The following EXOC6B variants were observed in gnomAD, a reference collection of about 807,000 sequenced individuals.
EXOC6B encodes the protein SEC15 homolog B.
Under a neutral mutation model 113.5 loss-of-function variants are expected in EXOC6B, and 54 were observed. The ratio of observed to expected loss-of-function variants is 0.48; its 90% CI spans 0.38 to 0.60. EXOC6B has a LOEUF of 0.60. EXOC6B is among the 20% of genes least tolerant of loss of function. The pLI, the probability that EXOC6B is intolerant of heterozygous loss-of-function variation, is 0.00. For synonymous variants in EXOC6B, 357 were observed against 339.0 expected, an observed-to-expected ratio of 1.05 and a Z score of -0.58; for missense variants, 797 against 977.5, an observed-to-expected ratio of 0.82 and a Z score of 2.46.
At chr2:72,281,255 T>C (rs970543568) in intron 20 of EXOC6B, among the ~76,000 whole-genome samples, 19 of 152,176 alleles carry the variant, frequency 1.2e-4, no homozygotes, top group East Asian at 7.7e-4. Flanking sequence ...TGCCAGAAAA[T>C]AGAATGAATC....
intron 20 of EXOC6B, among the ~76,000 whole-genome samples, chr2:72,277,462 G>A (rs1684868474): frequency 1.3e-5 from 2 of 151,790 alleles, no homozygotes; most frequent in Admixed American, 1.3e-4. Context: ...GTAAGATATG[G>A]ATGTTGGTAA....
intron 17 of EXOC6B, among the ~76,000 whole-genome samples, chr2:72,480,060 C>A (rs775488303): frequency 6.6e-6 from 1 of 151,788 alleles, no homozygotes; most frequent in Non-Finnish European, 1.5e-5. Context: ...AAAAATTAGC[C>A]GGGCATGGTG....
At chr2:72,730,614 ACACACACG>A (rs1227954441) in intron 5 of EXOC6B, among the ~76,000 whole-genome samples, 3 of 121,438 alleles carry the variant, frequency 2.5e-5, no homozygotes, top group Non-Finnish European at 5.8e-5. Context: ...ACACACACAC[ACACACACG>A]CTATTGGTTC....
chr2:72,548,841 C>T (rs1703048625), intron 8 of EXOC6B, among the ~76,000 whole-genome samples: 2 of 151,800 alleles, frequency 1.3e-5, no homozygotes, highest in South Asian at 4.2e-4. Context: ...ACACTGAATC[C>T]TATGTGAAGG....
intron 20 of EXOC6B, among the ~76,000 whole-genome samples, chr2:72,190,025 TC>T (rs1678730592): frequency 6.7e-6 from 1 of 148,602 alleles, no homozygotes; most frequent in Admixed American, 6.7e-5. Flanking sequence ...CTCCCTTCCT[TC>T]CTTCTTCTCT....
Position 72,718,307 on chromosome 2 carries a change from C to T in EXOC6B, c.465G>A (p.Arg155=). Residue 155 remains arginine (R), a splice_region_variant and synonymous_variant, in exon 6 of 22, where the codon AGG becomes AGA. Coordinates refer to ENST00000272427, the MANE Select transcript of EXOC6B (RefSeq NM_015189.3). The part of the protein sequence containing the change: ...SKLRDQMKTK[R]HYPALKTLEH... ...CCAGAGTTTTCAGTGCAGGATAATG[C>T]CTACAAAAGGAATTGATCACCTTTA... The T allele has an allele frequency of 6.2e-7, 1 of 1,613,156 alleles. No individual in the cohort carries two copies. The highest frequency in any genetic ancestry group is 8.5e-7 in the Non-Finnish European group (1 of 1,179,438).
intron 20 of EXOC6B, among the ~76,000 whole-genome samples, chr2:72,304,474 C>T (rs547189414): frequency 6.6e-6 from 1 of 152,180 alleles, no homozygotes; most frequent in South Asian, 2.1e-4. Context: ...TTGCCCAACA[C>T]TAGATATCAT....
chr2:72,179,508 T>TGTTTGA, intron 21 of EXOC6B, 47 bp from the exon 22 acceptor site: 1 of 1,611,630 alleles, frequency 6.2e-7, no homozygotes, highest in Non-Finnish European at 8.5e-7. Flanking sequence ...GAGGAAACAA[T>TGTTTGA]GGTGGAAGGA....
At chr2:72,401,524 CATATATATAT>C (rs1186731784) in intron 18 of EXOC6B, among the ~76,000 whole-genome samples, 1 of 29,702 alleles carries the variant, frequency 3.4e-5, no homozygotes, top group South Asian at 9.3e-4. Context: ...TACATATATA[CATATATATAT>C]ATATATATAT....
chr2:72,687,159 T>C (rs947982178), intron 6 of EXOC6B, among the ~76,000 whole-genome samples: 2 of 151,808 alleles, frequency 1.3e-5, no homozygotes, highest in Non-Finnish European at 2.9e-5. Context: ...AAAACCTTTG[T>C]TTTTTCCCCA....
Position 72,710,809 on chromosome 2 carries a change from T to C in EXOC6B, c.669+7294A>G, listed in dbSNP as rs1372222439. Among the ~76,000 whole-genome samples, 4 of 152,198 alleles carry C rather than the reference T, an allele frequency of 2.6e-5. No homozygotes were observed. In the East Asian group the frequency reaches 7.7e-4, roughly 29 times the overall value. The stretch of plus-strand genomic sequence containing the variant: ...GAAAGGACCATGATGACAACTAATC[T>C]TACCCAAGGGTCAGTTCTTTTAAAA... On this transcript the variant is annotated intron_variant, in intron 6 of 21. Transcript: ENST00000272427.
intron 6 of EXOC6B, among the ~76,000 whole-genome samples, chr2:72,698,970 T>C (rs1167625583): frequency 6.6e-6 from 1 of 152,148 alleles, no homozygotes; most frequent in Non-Finnish European, 1.5e-5. Context: ...ACCTTAATAA[T>C]CTAGAGGGCT....
chr2:72,484,495 A>G (rs1238991288), intron 16 of EXOC6B, among the ~76,000 whole-genome samples: 1 of 144,204 alleles, frequency 6.9e-6, no homozygotes, highest in East Asian at 2.1e-4. Context: ...TGAACCCAGG[A>G]GGCGGAGCTT....
chr2:72,206,240 GA>G (rs1262509553), intron 20 of EXOC6B, among the ~76,000 whole-genome samples: 1 of 152,210 alleles, frequency 6.6e-6, no homozygotes, highest in Non-Finnish European at 1.5e-5. Context: ...AAGGAAGTCA[GA>G]ATCGGAAACC....
chr2:72,620,486 G>GAAATTTAAATAATTTTAAATTTAAATTTT lies in EXOC6B; in HGVS notation c.670-44847_670-44819dup, dbSNP rs1273732150. On this transcript the variant is annotated intron_variant, in intron 6 of 21. Transcript: ENST00000272427. ...ATTTAAATAAGAAATTTAAATAAAA[G>GAAATTTAAATAATTTTAAATTTAAATTTT]AAATTTAAATAATTTTAAATTTAAA... Among the ~76,000 whole-genome samples the GAAATTTAAATAATTTTAAATTTAAATTTT allele has an allele frequency of 9.5e-3, 1,435 of 150,780 alleles. 45 individuals are homozygous for GAAATTTAAATAATTTTAAATTTAAATTTT. Among genetic ancestry groups the GAAATTTAAATAATTTTAAATTTAAATTTT allele is most frequent in the African/African-American group, 0.034 (1,378 of 40,980 alleles).
At chr2:72,344,453 T>C (rs919208686) in intron 19 of EXOC6B, among the ~76,000 whole-genome samples, 1 of 145,318 alleles carries the variant, frequency 6.9e-6, no homozygotes, top group Non-Finnish European at 1.5e-5. Context: ...GTTGATTTAC[T>C]TTTTTTTTTT....
intron 6 of EXOC6B, among the ~76,000 whole-genome samples, chr2:72,612,503 A>G (rs1453667586): frequency 2.0e-5 from 3 of 152,154 alleles, no homozygotes; most frequent in Non-Finnish European, 2.9e-5. Flanking sequence ...TAAAAAAAAA[A>G]ATCACATTTT....
At chr2:72,208,688 T>C (rs1679982987) in intron 20 of EXOC6B, among the ~76,000 whole-genome samples, 1 of 152,150 alleles carries the variant, frequency 6.6e-6, no homozygotes, top group African/African-American at 2.4e-5. Flanking sequence ...GATCCAGCCC[T>C]CTGCCTCAGA....
rs562505942 is a variant in EXOC6B at position 72,189,719 on chromosome 2, G to A, written c.2197-5532C>T. Among the ~76,000 whole-genome samples the A allele has an allele frequency of 1.2e-4, 18 of 151,194 alleles. No individual in the cohort carries two copies. The South Asian group carries it at 1.3e-3, about 11-fold the overall frequency. On this transcript the variant is annotated intron_variant, in intron 20 of 21. Transcript: ENST00000272427. ...TTGTTATTGGCACAAACTCGCCACCGTGCCCCTCCCCTCCCCTCCCCTTCC... is the reference window on the plus strand; with the variant it reads ...TTGTTATTGGCACAAACTCGCCACCATGCCCCTCCCCTCCCCTCCCCTTCC...
Sources: gnomAD v4.1 joint callset for allele counts (sites outside exome capture counted in the v4.1 genomes callset) on GRCh38, gnomAD v4.1.1 for gene constraint, MANE v1.5 for transcripts, NCBI Gene and HGNC (gene_info 2026-07-23, HGNC 2026-07-21) for gene names.